Variants in SLIT3 observed in about 807,000 individuals in gnomAD.
SLIT3 encodes the protein slit homolog 3 protein.
SLIT3 carries 68 observed loss-of-function variants against 184.0 expected under a neutral mutation model. The ratio of observed to expected loss-of-function variants is 0.37; its 90% CI spans 0.30 to 0.45. The LOEUF (loss-of-function observed/expected upper bound fraction) is 0.45. Ranked by LOEUF, SLIT3 falls within the 20% of genes least tolerant of loss-of-function variation. The probability of loss-of-function intolerance (pLI) is 1.00; values close to 1 mark genes in which losing one functional copy is unlikely to be tolerated. For synonymous variants in SLIT3, 831 were observed against 828.6 expected (o/e 1.00, Z -0.05); for missense variants, 1,707 against 2,026.0 (o/e 0.84, Z 3.02).
At chr5:168,969,997 C>T (rs867308185) in intron 4 of SLIT3, among the ~76,000 whole-genome samples, 14 of 152,110 alleles carry the variant, frequency 9.2e-5, no homozygotes, top group South Asian at 2.1e-4. Context: ...TTGGCTAACA[C>T]GGTGAAACCC....
intron 16 of SLIT3, among the ~76,000 whole-genome samples, chr5:168,755,389 A>ATTTCTTTCTTTTCTTTCTTTCTTTCTTTC (rs1754860049): frequency 7.5e-6 from 1 of 133,640 alleles, no homozygotes; most frequent in Non-Finnish European, 1.7e-5. Context: ...CAGTGCCGCC[A>ATTTCTTTCTTTTCTTTCTTTCTTTCTTTC]TTTCTTTCTT....
Position 168,856,754 on chromosome 5 carries a change from A to G in SLIT3, c.486-12099T>C, listed in dbSNP as rs111271352. 1.4e-3 allele frequency among the ~76,000 whole-genome samples: 199 copies of G among 146,592 alleles called. 1 individual carries two copies. Among genetic ancestry groups the G allele is most frequent in the Non-Finnish European group, 2.3e-3 (156 of 67,148 alleles). The stretch of plus-strand genomic sequence containing the variant: ...ATTGCATTTGCATTTGCATTTCAGA[A>G]GCTGAGTTCCTCGTGTGTGTGTGTG... On this transcript the variant is annotated intron_variant, in intron 5 of 35. Coordinates refer to ENST00000519560, the MANE Select transcript of SLIT3 (RefSeq NM_003062.4).
intron 4 of SLIT3, among the ~76,000 whole-genome samples, chr5:169,049,093 G>T (rs1344082526): frequency 6.6e-6 from 1 of 152,190 alleles, no homozygotes. Flanking sequence ...GGCTACGGCA[G>T]GCAGGGCCAT....
At chr5:168,945,931 C>T (rs1367927401) in intron 4 of SLIT3, among the ~76,000 whole-genome samples, 1 of 152,226 alleles carries the variant, frequency 6.6e-6, no homozygotes, top group African/African-American at 2.4e-5. Flanking sequence ...CAAGATTTTC[C>T]TCCCAGGCTA....
At chr5:169,076,236 T>C (rs1758735612) in intron 4 of SLIT3, among the ~76,000 whole-genome samples, 1 of 152,212 alleles carries the variant, frequency 6.6e-6, no homozygotes, top group Non-Finnish European at 1.5e-5. Context: ...TAAAGAGTGC[T>C]ATTCAAAAGC....
At chr5:168,933,713 G>C (rs1395851443) in intron 4 of SLIT3, among the ~76,000 whole-genome samples, 1 of 152,208 alleles carries the variant, frequency 6.6e-6, no homozygotes, top group Non-Finnish European at 1.5e-5. Context: ...ATTGATGTGA[G>C]TAAAGGGTTG....
chr5:168,754,085 C>A, intron 16 of SLIT3, 78 bp from the exon 17 acceptor site: 1 of 1,466,166 alleles, frequency 6.8e-7, no homozygotes, highest in Non-Finnish European at 9.1e-7. Context: ...ACTTGCCCTG[C>A]AGCTGCTGGG....
At chr5:169,046,886 A>T (rs1757643277) in intron 4 of SLIT3, among the ~76,000 whole-genome samples, 1 of 151,890 alleles carries the variant, frequency 6.6e-6, no homozygotes, top group Admixed American at 6.6e-5. Context: ...CTGTGCCCCT[A>T]CTCAGCAGCT....
At chr5:168,783,408 A>G (rs77217313) in intron 12 of SLIT3, among the ~76,000 whole-genome samples, 3,011 of 152,022 alleles carry the variant, frequency 0.02, 43 homozygotes, top group African/African-American at 0.043. Context: ...GGATGGCCAA[A>G]AAGTCCAGAG....
intron 4 of SLIT3, among the ~76,000 whole-genome samples, chr5:169,091,063 G>C (rs894729743): frequency 6.6e-6 from 1 of 152,196 alleles, no homozygotes; most frequent in Non-Finnish European, 1.5e-5. Context: ...GGCAGAATTA[G>C]ATCTTGGAGA....
chr5:169,215,123 CT>C (rs2113519858), intron 3 of SLIT3, among the ~76,000 whole-genome samples: 1 of 152,274 alleles, frequency 6.6e-6, no homozygotes, highest in Non-Finnish European at 1.5e-5. Flanking sequence ...CCCCATTGCC[CT>C]CAGGAAATCA....
intron 4 of SLIT3, among the ~76,000 whole-genome samples, chr5:169,093,445 C>T (rs1759663145): frequency 6.6e-6 from 1 of 151,688 alleles, no homozygotes; most frequent in Non-Finnish European, 1.5e-5. Context: ...TCAAAAGAAC[C>T]CAATGAGGTC....
rs1265392529 is a variant in SLIT3, at chr5:168,662,517, T to G, written c.*3937A>C. 1 of 152,184 alleles carries G rather than the reference T, an allele frequency of 6.6e-6. No individual in the cohort carries two copies. Among genetic ancestry groups the G allele is most frequent in the African/African-American group, 2.4e-5 (1 of 41,436 alleles). 9.4% of individuals were successfully genotyped at this position (152,184 alleles called of 1,614,324 possible). ...CTTCTTGCCCTTCTTCTCATCTTTT[T>G]GAAGCATCAGACTTGAGTTCCTTGC... On this transcript the variant is annotated 3_prime_UTR_variant, in exon 36 of 36. Transcript: ENST00000519560.
At chr5:168,777,130 T>C (rs987601261) in intron 12 of SLIT3, among the ~76,000 whole-genome samples, 1 of 151,104 alleles carries the variant, frequency 6.6e-6, no homozygotes. Context: ...CCACACCACA[T>C]CAAATTTCTA....
chr5:168,713,238 G>A (rs984158048), intron 23 of SLIT3, among the ~76,000 whole-genome samples: 2 of 152,130 alleles, frequency 1.3e-5, no homozygotes, highest in Non-Finnish European at 2.9e-5. Flanking sequence ...TGGAGGGGCC[G>A]GGCACCCCAC....
chr5:168,683,432 G>A (rs1250194941), intron 32 of SLIT3, among the ~76,000 whole-genome samples: 1 of 151,570 alleles, frequency 6.6e-6, no homozygotes, highest in African/African-American at 2.4e-5. Flanking sequence ...AGCATCTGAA[G>A]TGAAAGTCCA....
intron 4 of SLIT3, among the ~76,000 whole-genome samples, chr5:169,069,024 G>A (rs1758451364): frequency 6.6e-6 from 1 of 152,158 alleles, no homozygotes; most frequent in African/African-American, 2.4e-5. Flanking sequence ...TCAAGTAGAA[G>A]GTACAGCTAG....
At chr5:169,024,863 G>C (rs1756752238) in intron 4 of SLIT3, 1 of 152,220 alleles carries the variant, frequency 6.6e-6, no homozygotes, top group South Asian at 2.1e-4. Context: ...TTCCTACCCT[G>C]ATGTACACAG....
chr5:169,131,923 A>T (rs1761312471), intron 4 of SLIT3, among the ~76,000 whole-genome samples: 1 of 152,176 alleles, frequency 6.6e-6, no homozygotes, highest in Non-Finnish European at 1.5e-5. Context: ...CACAAGTATC[A>T]CTTTTGTGTA....
Sources: gnomAD v4.1 joint callset for allele counts (sites outside exome capture counted in the v4.1 genomes callset) on GRCh38, gnomAD v4.1.1 for gene constraint, MANE v1.5 for transcripts, NCBI Gene and HGNC (gene_info 2026-07-23, HGNC 2026-07-21) for gene names.